IPO8: variants seen among roughly 807,000 people sequenced by gnomAD.
The protein encoded by IPO8 is importin-8.
In IPO8, 65 loss-of-function variants were observed where a neutral mutation model predicts 141.2. The observed-to-expected ratio is 0.46, with a 90% CI of 0.38 to 0.57. The LOEUF is 0.57. Among genes scored for constraint, IPO8 ranks in the 20% least tolerant of loss-of-function variants. The probability of loss-of-function intolerance (pLI) is 0.00; values close to 1 mark genes in which losing one functional copy is unlikely to be tolerated. For synonymous variants in IPO8, 411 were observed against 420.3 expected, an observed-to-expected ratio of 0.98 and a Z score of 0.27; for missense variants, 980 against 1,246.8, an observed-to-expected ratio of 0.79 and a Z score of 3.22.
chr12:30,688,912 C>T (rs2053266683), intron 2 of IPO8, among the ~76,000 whole-genome samples: 1 of 152,010 alleles, frequency 6.6e-6, no homozygotes, highest in Admixed American at 6.6e-5. Context: ...TCAAATGACA[C>T]TCATTTAGCA....
intron 8 of IPO8, among the ~76,000 whole-genome samples, chr12:30,672,782 C>T (rs2053069357): frequency 6.6e-6 from 1 of 152,126 alleles, no homozygotes; most frequent in Non-Finnish European, 1.5e-5. Context: ...CACCAGCCAA[C>T]AAAATAACTT....
intron 18 of IPO8, 98 bp downstream of exon 18, chr12:30,652,869 G>A (rs1369138117): frequency 8.8e-7 from 1 of 1,133,244 alleles, no homozygotes; most frequent in Non-Finnish European, 1.2e-6. Context: ...AACATTTTCT[G>A]ATCAATATTG....
chr12:30,658,466 G>A (rs946207461), intron 16 of IPO8, among the ~76,000 whole-genome samples: 1 of 152,098 alleles, frequency 6.6e-6, no homozygotes, highest in African/African-American at 2.4e-5. Context: ...ATATTAGTGT[G>A]TCTCAATTTT....
At position 30,680,528 on chromosome 12, in the gene IPO8, A is replaced by G; in HGVS notation, c.593T>C (p.Val198Ala). Reference protein sequence around the residue: ...QLLPDSSYYSVLLQKQILKIF... With the variant: ...QLLPDSSYYSALLQKQILKIF... Reference sequence around the variant, plus strand: ...TTTCAGAATTTGTTTCTGCAGTAATACAGAATAATAGGAGGAATCAGGAAG... The same window carrying G: ...TTTCAGAATTTGTTTCTGCAGTAATGCAGAATAATAGGAGGAATCAGGAAG... Residue 198 changes from valine (V) to alanine (A), a missense_variant, in exon 5 of 25, where the codon GTA (valine) becomes GCA (alanine). Coordinates refer to ENST00000256079, the MANE Select transcript of IPO8 (RefSeq NM_006390.4). 6.2e-7 allele frequency: 1 copy of G among 1,612,372 alleles called. No homozygotes were observed. The highest frequency in any genetic ancestry group is 1.1e-5 in the South Asian group (1 of 90,864).
chr12:30,660,369 C>T (rs2052868276), intron 16 of IPO8, among the ~76,000 whole-genome samples: 1 of 152,162 alleles, frequency 6.6e-6, no homozygotes. Flanking sequence ...AAGGAGAGGC[C>T]ATGGGATACT....
intron 1 of IPO8, 131 bp from the exon 2 acceptor site, chr12:30,690,708 G>A: frequency 3.9e-6 from 2 of 515,176 alleles, no homozygotes; most frequent in Non-Finnish European, 3.5e-6. Context: ...ACCCTTCAAG[G>A]CAAAATGAAG....
intron 16 of IPO8, among the ~76,000 whole-genome samples, chr12:30,659,894 A>C (rs10843803): frequency 0.23 from 34,742 of 149,938 alleles, 4,276 homozygotes; most frequent in Middle Eastern, 0.3. Context: ...CAAAAAAAAA[A>C]CCCAACAGCT....
At chr12:30,660,496 C>A (rs573394148) in intron 16 of IPO8, among the ~76,000 whole-genome samples, 1 of 152,134 alleles carries the variant, frequency 6.6e-6, no homozygotes, top group Non-Finnish European at 1.5e-5. Context: ...TTTCTTAAAT[C>A]CACCTGAACT....
At chr12:30,649,953 T>G (rs918270971) in intron 19 of IPO8, among the ~76,000 whole-genome samples, 2 of 151,428 alleles carry the variant, frequency 1.3e-5, no homozygotes, top group Non-Finnish European at 2.9e-5. Flanking sequence ...AGAAAAAGAA[T>G]AGACTTAAAG....
intron 3 of IPO8, 141 bp downstream of exon 3, chr12:30,684,160 A>G (rs1021200786): frequency 1.5e-6 from 1 of 666,048 alleles, no homozygotes; most frequent in East Asian, 2.7e-5. Context: ...AAGTAAAATA[A>G]TATTCTTTGA....
chr12:30,639,610 T>C lies in IPO8; in HGVS notation c.2394A>G (p.Leu798=), dbSNP rs376752588. 45 of 1,613,968 alleles carry C rather than the reference T, an allele frequency of 2.8e-5. No homozygotes were observed. The highest frequency in any genetic ancestry group is 2.4e-4 in the African/African-American group (18 of 74,920). The change falls in exon 21 of 25, where the codon CTA becomes CTG. Residue 798 remains leucine (L), a synonymous_variant. Coordinates refer to ENST00000256079, the MANE Select transcript of IPO8 (RefSeq NM_006390.4). ...GCAACTGAATTCGTTCTAAAGTATG[T>C]AGCAGCAAATCAGGGTTGTAGTACA... ...AALYYNPDLL[L]HTLERIQLPH... is the part of the protein sequence containing the mutation.
intron 2 of IPO8, among the ~76,000 whole-genome samples, chr12:30,687,213 T>C (rs1015250530): frequency 2.0e-5 from 3 of 152,178 alleles, no homozygotes; most frequent in African/African-American, 7.2e-5. Flanking sequence ...ATTTTAATAA[T>C]AGATTAAATA....
intron 2 of IPO8, among the ~76,000 whole-genome samples, chr12:30,687,916 A>G (rs2053258061): frequency 6.6e-6 from 1 of 152,162 alleles, no homozygotes. Flanking sequence ...AGAAATCAAA[A>G]ACCATGCTAT....
At position 30,652,046 on chromosome 12, in the gene IPO8, CT is replaced by C. The variant is rs1201174969; in HGVS notation, c.2172+145del. On this transcript the variant is annotated intron_variant, in intron 19 of 24. Transcript: ENST00000256079. Reference sequence around the variant, plus strand: ...ATGAAACTTTCAAATCCCAAAGATCCTTTTGAAAATACAAATGAAAAAATAT... The same window carrying C: ...ATGAAACTTTCAAATCCCAAAGATCCTTTGAAAATACAAATGAAAAAATAT... The C allele has an allele frequency of 7.8e-6, 4 of 509,578 alleles. No individual in the cohort carries two copies. In the African/African-American group the frequency reaches 8.0e-5, roughly 10 times the overall value. The allele number at this position is 509,578 out of a possible 1,614,324, so 31.6% of individuals were successfully genotyped here. A position where few individuals can be genotyped will look rare whatever the true frequency, so the allele number is the denominator to read the frequency against.
intron 2 of IPO8, among the ~76,000 whole-genome samples, chr12:30,685,547 G>A (rs2053233089): frequency 6.6e-6 from 1 of 151,506 alleles, no homozygotes; most frequent in African/African-American, 2.4e-5. Flanking sequence ...ACAGATACGT[G>A]ATTTGCAAAG....
intron 21 of IPO8, among the ~76,000 whole-genome samples, chr12:30,638,791 C>A (rs928198642): frequency 6.6e-6 from 1 of 152,048 alleles, no homozygotes; most frequent in African/African-American, 2.4e-5. Context: ...CTCAGCCTCC[C>A]GAGTAGCTGG....
intron 1 of IPO8, among the ~76,000 whole-genome samples, chr12:30,690,862 A>G (rs75668824): frequency 0.024 from 3,723 of 152,290 alleles, 146 homozygotes; most frequent in African/African-American, 0.084. Flanking sequence ...CAACAGCAGC[A>G]TATGGTAGTG....
intron 9 of IPO8, among the ~76,000 whole-genome samples, chr12:30,670,554 G>C (rs1014708129): frequency 6.6e-6 from 1 of 152,036 alleles, no homozygotes; most frequent in African/African-American, 2.4e-5. Flanking sequence ...AAAATAAAAC[G>C]GTCACATATC....
Position 30,660,169 on chromosome 12 carries a change from A to AC in IPO8, c.1881+971dup, listed in dbSNP as rs1259982085. On this transcript the variant is annotated intron_variant, in intron 16 of 24. Transcript: ENST00000256079. Reference sequence around the variant, plus strand: ...ACCCGGAAGGTGGAGGTTGCAGTGAACCAAGATCATGCCACTGCACGCCAG... The same window carrying AC: ...ACCCGGAAGGTGGAGGTTGCAGTGAACCCAAGATCATGCCACTGCACGCCAG... Among the ~76,000 whole-genome samples, 5 of 151,592 alleles carry AC rather than the reference A, an allele frequency of 3.3e-5. No individual in the cohort carries two copies. The East Asian group carries it at 9.8e-4, about 30-fold the overall frequency.
Sources: allele counts gnomAD v4.1 joint callset (sites outside exome capture counted in the v4.1 genomes callset), GRCh38; gene constraint gnomAD v4.1.1; transcripts MANE v1.5; gene names NCBI Gene and HGNC (gene_info 2026-07-23, HGNC 2026-07-21).